Variants in HEATR4 observed in about 807,000 individuals in gnomAD.
HEATR4 encodes HEAT repeat containing 4, also known as HEAT repeat-containing protein 4.
In HEATR4, 95 loss-of-function variants were observed where a neutral mutation model predicts 108.8. The observed-to-expected ratio is 0.87, with a 90% CI of 0.74 to 1.04. The LOEUF is 1.04. HEATR4 is among the 50% of genes least tolerant of loss of function. HEATR4 has a pLI of 0.00. For synonymous variants in HEATR4, 443 were observed against 459.4 expected, an observed-to-expected ratio of 0.96 and a Z score of 0.46; for missense variants, 1,152 against 1,253.8, an observed-to-expected ratio of 0.92 and a Z score of 1.23.
the HEATR4 span, among the ~76,000 whole-genome samples, chr14:73,620,441 C>T: frequency 6.6e-6 from 1 of 152,212 alleles, no homozygotes; most frequent in Non-Finnish European, 1.5e-5. Flanking sequence ...GCTTTGGCCT[C>T]GTGTTCCCTT....
At chr14:73,622,390 G>A in the HEATR4 span, among the ~76,000 whole-genome samples, 1 of 152,098 alleles carries the variant, frequency 6.6e-6, no homozygotes, top group Non-Finnish European at 1.5e-5. Flanking sequence ...GTGACTGTAT[G>A]TGGCCACCTG....
chr14:73,496,386 T>C (rs183683845), intron 15 of HEATR4, among the ~76,000 whole-genome samples: 28 of 152,252 alleles, frequency 1.8e-4, no homozygotes, highest in African/African-American at 5.3e-4. Context: ...ACTAATAGGA[T>C]TTTTGTTTTG....
chr14:73,581,407 C>T, the HEATR4 span: 2 of 151,754 alleles, frequency 1.3e-5, no homozygotes, highest in African/African-American at 4.8e-5. Flanking sequence ...AATGAGGGTT[C>T]CACCCTCATG....
chr14:73,595,023 A>T, the HEATR4 span: 1 of 1,609,870 alleles, frequency 6.2e-7, no homozygotes, highest in Non-Finnish European at 8.5e-7. Context: ...TTATTGACTC[A>T]ACTCTCCTCT....
At chr14:73,508,040 C>A in intron 9 of HEATR4, 94 bp downstream of exon 9, 1 of 1,219,216 alleles carries the variant, frequency 8.2e-7, no homozygotes, top group South Asian at 1.3e-5. Context: ...GCCACTGCCC[C>A]GGCCCCAGCT....
the HEATR4 span, among the ~76,000 whole-genome samples, chr14:73,589,472 A>C: frequency 1.3e-5 from 2 of 152,038 alleles, no homozygotes; most frequent in African/African-American, 4.8e-5. Flanking sequence ...GGTGCACATC[A>C]CCATGCCCCA....
the HEATR4 span, among the ~76,000 whole-genome samples, chr14:73,584,302 T>C: frequency 6.6e-6 from 1 of 151,258 alleles, no homozygotes; most frequent in Non-Finnish European, 1.5e-5. Flanking sequence ...ACTTTTTAAA[T>C]AAACTTCCAC....
the HEATR4 span, among the ~76,000 whole-genome samples, chr14:73,613,526 C>A: frequency 6.6e-6 from 1 of 152,126 alleles, no homozygotes; most frequent in Non-Finnish European, 1.5e-5. Flanking sequence ...TTTAAAAACA[C>A]ACACAAAACT....
chr14:73,497,597 TG>T (rs1481618696), intron 14 of HEATR4, among the ~76,000 whole-genome samples: 3 of 152,184 alleles, frequency 2.0e-5, no homozygotes, highest in Non-Finnish European at 4.4e-5. Flanking sequence ...ATTTGATAAA[TG>T]TTAGTTGAAT....
In HEATR4 at chr14:73,522,241, A is replaced by G. The variant is rs200034138; in HGVS notation, c.881+31T>C. On this transcript the variant is annotated intron_variant, in intron 3 of 17. Transcript: ENST00000553558. The stretch of plus-strand genomic sequence containing the variant: ...CCCTAAAGGGGAGTCAGGGATTATC[A>G]AAGGTGCACTTGAGGCCCTGGCCAG... 2,725 of 1,594,492 alleles carry G rather than the reference A, an allele frequency of 1.7e-3. 5 individuals carry two copies. Among genetic ancestry groups the G allele is most frequent in the Middle Eastern group, 4.9e-3 (26 of 5,314 alleles).
In HEATR4 at chr14:73,478,500, C is replaced by T; in HGVS notation, c.*106G>A. 1.3e-6 allele frequency: 1 copy of T among 762,888 alleles called. No homozygotes were observed. 47.3% of individuals were successfully genotyped at this position (762,888 alleles called of 1,614,324 possible). On this transcript the variant is annotated 3_prime_UTR_variant, in exon 18 of 18. Coordinates refer to ENST00000553558, the MANE Select transcript of HEATR4 (RefSeq NM_001220484.1). ...CATGAGGTCTACTGTTAAATAATTT[C>T]TCTTTATAAACATAGTGACAACAAG...
chr14:73,511,681 C>T (rs1224259210), intron 7 of HEATR4, among the ~76,000 whole-genome samples: 1 of 152,002 alleles, frequency 6.6e-6, no homozygotes, highest in Non-Finnish European at 1.5e-5. Flanking sequence ...TCAAGACTAG[C>T]CTGGTCAACA....
chr14:73,568,980 A>G, the HEATR4 span: 1 of 518,198 alleles, frequency 1.9e-6, no homozygotes, highest in Admixed American at 3.4e-5. Context: ...AGGAGTTTGG[A>G]GCCTGGAGAC....
rs746623275 is a variant in HEATR4, at chr14:73,519,183, C to A, written c.1070-20G>T. 6.2e-7 allele frequency: 1 copy of A among 1,605,718 alleles called. No individual in the cohort carries two copies. ...CTTCATCTGTGAACAGACAAAGAAA[C>A]AATGAGTCCCCTATAACCTCCCTAT... On this transcript the variant is annotated intron_variant, in intron 4 of 17. Coordinates refer to ENST00000553558, the MANE Select transcript of HEATR4 (RefSeq NM_001220484.1).
rs762893163 is a variant in HEATR4, at chr14:73,478,855, A to G, written c.2845-13T>C. 3 of 1,586,278 alleles carry G rather than the reference A, an allele frequency of 1.9e-6. No individual in the cohort carries two copies. Among genetic ancestry groups the G allele is most frequent in the South Asian group, 1.1e-5 (1 of 88,958 alleles). Reference sequence around the variant, plus strand: ...GGGGCTTCACAGGCTGCAGAGAAACATGAAAACATGAGTGCATATGCCAAA... The same window carrying G: ...GGGGCTTCACAGGCTGCAGAGAAACGTGAAAACATGAGTGCATATGCCAAA... On this transcript the variant is annotated splice_polypyrimidine_tract_variant and intron_variant, in intron 17 of 17. Coordinates refer to ENST00000553558, the MANE Select transcript of HEATR4 (RefSeq NM_001220484.1).
intron 2 of HEATR4, among the ~76,000 whole-genome samples, chr14:73,527,632 A>G (rs1888416217): frequency 6.6e-6 from 1 of 151,992 alleles, no homozygotes; most frequent in Non-Finnish European, 1.5e-5. Flanking sequence ...CAACAGCAGA[A>G]TTGGTCAAGC....
chr14:73,574,020 C>G, the HEATR4 span, among the ~76,000 whole-genome samples: 2 of 142,620 alleles, frequency 1.4e-5, no homozygotes, highest in Non-Finnish European at 3.0e-5. Flanking sequence ...GCCACTATGC[C>G]CAGCCTAATA....
chr14:73,524,308 A>ATATATATATATATATATATAT, intron 2 of HEATR4, among the ~76,000 whole-genome samples: 1 of 83,572 alleles, frequency 1.2e-5, no homozygotes, highest in African/African-American at 6.2e-5. Context: ...AAAAAAAAAA[A>ATATATATATATATATATATAT]AAATATATAT....
intron 12 of HEATR4, 74 bp downstream of exon 12, chr14:73,500,473 ATAC>A (rs1886380985): frequency 6.3e-6 from 9 of 1,428,616 alleles, no homozygotes; most frequent in Non-Finnish European, 8.7e-6. Flanking sequence ...AATGTTGAGC[ATAC>A]TGTGCACAAC....
Sources: allele counts gnomAD v4.1 joint callset (sites outside exome capture counted in the v4.1 genomes callset), GRCh38; gene constraint gnomAD v4.1.1; transcripts MANE v1.5; gene names NCBI Gene and HGNC (gene_info 2026-07-23, HGNC 2026-07-21).